The following AMOTL1 variants were observed in gnomAD, a reference collection of about 807,000 sequenced individuals.
AMOTL1 encodes angiomotin like 1, also known as angiomotin-like protein 1.
In AMOTL1, 45 loss-of-function variants were observed where a neutral mutation model predicts 102.9. That is an observed-to-expected ratio of 0.44 (90% CI 0.34 to 0.56). The LOEUF is 0.56. AMOTL1 is among the 20% of genes least tolerant of loss of function. The probability of loss-of-function intolerance (pLI) is 0.01; values close to 1 mark genes in which losing one functional copy is unlikely to be tolerated. For missense variants in AMOTL1, 1,114 were observed against 1,225.6 expected (o/e 0.91, Z 1.36); for synonymous variants, 481 against 484.7 (o/e 0.99, Z 0.10).
At chr11:94,744,224 T>G (rs1298672106) in intron 3 of AMOTL1, among the ~76,000 whole-genome samples, 1 of 152,216 alleles carries the variant, frequency 6.6e-6, no homozygotes, top group Non-Finnish European at 1.5e-5. Flanking sequence ...CAACCTTCTT[T>G]TGGTTTCTAT....
intron 3 of AMOTL1, among the ~76,000 whole-genome samples, chr11:94,755,661 C>T (rs1013674903): frequency 6.6e-6 from 1 of 152,116 alleles, no homozygotes; most frequent in African/African-American, 2.4e-5. Flanking sequence ...GCGACAGGGG[C>T]GTGGCTCGCT....
At chr11:94,847,313 A>C (rs977734792) in intron 6 of AMOTL1, among the ~76,000 whole-genome samples, 1 of 152,184 alleles carries the variant, frequency 6.6e-6, no homozygotes, top group Non-Finnish European at 1.5e-5. Context: ...GGACAGCTGC[A>C]TAACAAAGGC....
intron 3 of AMOTL1, among the ~76,000 whole-genome samples, chr11:94,747,252 C>T (rs1026968690): frequency 6.6e-6 from 1 of 152,096 alleles, no homozygotes; most frequent in African/African-American, 2.4e-5. Context: ...GTTTTCTTAA[C>T]CTTTCATAAT....
Position 94,825,366 on chromosome 11 carries a change from C to T in AMOTL1, c.1413+3545C>T, listed in dbSNP as rs140616907. 2.8e-3 allele frequency among the ~76,000 whole-genome samples: 433 copies of T among 152,258 alleles called. 2 individuals are homozygous for T. Among genetic ancestry groups the T allele is most frequent in the African/African-American group, 0.01 (417 of 41,514 alleles). Reference sequence around the variant, plus strand: ...GTCCTGTGGATCCCTGAGTGTTGCACGTGAAGGTGCTCAGGGGAAAAAACC... The same window carrying T: ...GTCCTGTGGATCCCTGAGTGTTGCATGTGAAGGTGCTCAGGGGAAAAAACC... On this transcript the variant is annotated intron_variant, in intron 4 of 12. Transcript: ENST00000433060.
intron 10 of AMOTL1, 126 bp from the exon 11 acceptor site, chr11:94,865,816 C>A: frequency 1.3e-6 from 1 of 786,946 alleles, no homozygotes; most frequent in Non-Finnish European, 2.1e-6. Context: ...CATTTGAAGA[C>A]TCGTACTGTG....
rs1950797798 is a variant in AMOTL1, at chr11:94,761,865, A to T, written c.136+20877A>T. Among the ~76,000 whole-genome samples the T allele has an allele frequency of 2.0e-5, 3 of 152,248 alleles. No homozygotes were observed. The South Asian group carries it at 6.2e-4, about 32-fold the overall frequency. The stretch of plus-strand genomic sequence containing the variant: ...TGCATATTCTGGAGAGAGAAGAACT[A>T]AAATTGCTGAACAGGTTGTGGAGGG... On this transcript the variant is annotated intron_variant, in intron 3 of 4. Coordinates refer to the AMOTL1 transcript ENST00000299004.
chr11:94,867,129 G>T (rs777152054), intron 11 of AMOTL1, among the ~76,000 whole-genome samples: 1 of 152,172 alleles, frequency 6.6e-6, no homozygotes, highest in Non-Finnish European at 1.5e-5. Context: ...GAGACTGGCT[G>T]CTCTGGGCCA....
In AMOTL1 at chr11:94,826,561, TATA is replaced by T. The variant is rs1592006148; in HGVS notation, c.1414-3487_1414-3485del. On this transcript the variant is annotated intron_variant, in intron 4 of 12. Coordinates refer to ENST00000433060, the MANE Select transcript of AMOTL1 (RefSeq NM_130847.3). ...GAAGGTCAAAGGGGAAGTGGACATG[TATA>T]AAGAGGCAAAACGTGAAGAGCACGT... Among the ~76,000 whole-genome samples the T allele has an allele frequency of 5.3e-5, 8 of 152,176 alleles. No homozygotes were observed. The East Asian group carries it at 1.3e-3, about 26-fold the overall frequency.
intron 3 of AMOTL1, among the ~76,000 whole-genome samples, chr11:94,743,378 C>T (rs1026833662): frequency 6.6e-6 from 1 of 152,188 alleles, no homozygotes; most frequent in Admixed American, 6.5e-5. Context: ...TTATTCTCTC[C>T]ATGACAGGGC....
At chr11:94,707,185 A>G (rs1949941837) in intron 1 of AMOTL1, among the ~76,000 whole-genome samples, 2 of 150,192 alleles carry the variant, frequency 1.3e-5, no homozygotes, top group South Asian at 2.1e-4. Context: ...GCCTGACCCT[A>G]TGAGTTCTTC....
chr11:94,729,794 T>G (rs1178137002), intron 2 of AMOTL1, among the ~76,000 whole-genome samples: 1 of 152,214 alleles, frequency 6.6e-6, no homozygotes, highest in Non-Finnish European at 1.5e-5. Flanking sequence ...TGTTTATTCA[T>G]TTATTCAACA....
chr11:94,856,650 G>A (rs548112324), intron 8 of AMOTL1, among the ~76,000 whole-genome samples: 8 of 152,244 alleles, frequency 5.3e-5, no homozygotes, highest in South Asian at 2.1e-4. Context: ...GACTTCTGCC[G>A]TCCACACCAC....
At chr11:94,856,591 C>T (rs1008221202) in intron 8 of AMOTL1, among the ~76,000 whole-genome samples, 2 of 152,180 alleles carry the variant, frequency 1.3e-5, no homozygotes, top group African/African-American at 4.8e-5. Context: ...TTCACCCTCA[C>T]GCAACTCATG....
At chr11:94,756,850 T>C (rs1254375155) in intron 3 of AMOTL1, among the ~76,000 whole-genome samples, 2 of 152,176 alleles carry the variant, frequency 1.3e-5, no homozygotes, top group African/African-American at 4.8e-5. Context: ...ACCTCACATA[T>C]AACTTGGCCA....
intron 3 of AMOTL1, among the ~76,000 whole-genome samples, chr11:94,817,070 A>G (rs1353775779): frequency 6.6e-6 from 1 of 152,218 alleles, no homozygotes; most frequent in Non-Finnish European, 1.5e-5. Flanking sequence ...AGATTTATGG[A>G]AATTATATCT....
chr11:94,853,754 A>G (rs1468072438), intron 7 of AMOTL1, among the ~76,000 whole-genome samples, 179 bp from the exon 8 acceptor site: 1 of 152,182 alleles, frequency 6.6e-6, no homozygotes, highest in African/African-American at 2.4e-5. Context: ...TATAACTGGC[A>G]GTCTATGTGT....
chr11:94,850,574 T>C (rs1311706085), intron 7 of AMOTL1, among the ~76,000 whole-genome samples: 2 of 152,232 alleles, frequency 1.3e-5, no homozygotes, highest in Admixed American at 6.5e-5. Flanking sequence ...TAGTTTCTGA[T>C]GAAATCAACC....
chr11:94,821,415 G>A (rs1951863381), intron 3 of AMOTL1, 115 bp from the exon 4 acceptor site: 1 of 1,106,728 alleles, frequency 9.0e-7, no homozygotes, highest in South Asian at 1.6e-5. Flanking sequence ...CCACTGGGAA[G>A]TGCACTGATG....
At chr11:94,779,861 A>T (rs79319403) in intron 1 of AMOTL1, among the ~76,000 whole-genome samples, 209 of 3,592 alleles carry the variant, frequency 0.058, 3 homozygotes, top group Non-Finnish European at 0.41. Context: ...TGGCCTTTTT[A>T]AAAAAAAAAA....
Sources: allele counts gnomAD v4.1 joint callset (sites outside exome capture counted in the v4.1 genomes callset), GRCh38; gene constraint gnomAD v4.1.1; transcripts MANE v1.5; gene names NCBI Gene and HGNC (gene_info 2026-07-23, HGNC 2026-07-21).